Variants in FEM1C observed in about 807,000 individuals in gnomAD.
The protein encoded by FEM1C is fem-1 homolog C, also known as protein fem-1 homolog C.
A neutral mutation model predicts 37.6 loss-of-function variants in FEM1C; 15 were observed. That is an observed-to-expected ratio of 0.40 (90% CI 0.27 to 0.61). FEM1C has a LOEUF of 0.61. Among genes scored for constraint, FEM1C ranks in the 20% least tolerant of loss-of-function variants. The pLI is 0.42. For missense variants in FEM1C, 532 were observed against 749.7 expected, an observed-to-expected ratio of 0.71 and a Z score of 3.39; for synonymous variants, 287 against 272.8, an observed-to-expected ratio of 1.05 and a Z score of -0.51.
At chr5:115,530,607 T>G (rs1753995503) in intron 2 of FEM1C, among the ~76,000 whole-genome samples, 1 of 152,152 alleles carries the variant, frequency 6.6e-6, no homozygotes, top group African/African-American at 2.4e-5. Flanking sequence ...ATCCAAATAC[T>G]GACCATATTC....
chr5:115,523,631 T>G lies in FEM1C; in HGVS notation c.*677A>C, dbSNP rs551016197. 1 of 152,644 alleles carries G rather than the reference T, an allele frequency of 6.6e-6. No homozygotes were observed. Among genetic ancestry groups the G allele is most frequent in the African/African-American group, 2.4e-5 (1 of 41,574 alleles). 9.5% of individuals were successfully genotyped at this position (152,644 alleles called of 1,614,324 possible). A position where few individuals can be genotyped will look rare whatever the true frequency, so the allele number is the denominator to read the frequency against. On this transcript the variant is annotated 3_prime_UTR_variant, in exon 3 of 3. Transcript: ENST00000274457. ...AAAGCTTGAGCTATAATAGCTAACC[T>G]GCAGCTCTAAAAATTGTCATGCTAC...
rs1361877454 is a variant in FEM1C at position 115,536,084 on chromosome 5, G to C, written c.544+6866C>G. ...AGTTTCAGGGGAATGAGGAGGGATAGGAGGGAGTGACTCTTAATGGATATG... is the reference window on the plus strand; with the variant it reads ...AGTTTCAGGGGAATGAGGAGGGATACGAGGGAGTGACTCTTAATGGATATG... On this transcript the variant is annotated intron_variant, in intron 2 of 2. Transcript: ENST00000274457. Among the ~76,000 whole-genome samples the C allele has an allele frequency of 3.3e-5, 5 of 151,928 alleles. No individual in the cohort carries two copies. In the East Asian group the frequency reaches 9.6e-4, roughly 29 times the overall value.
At chr5:115,539,045 C>G (rs1218010760) in intron 2 of FEM1C, among the ~76,000 whole-genome samples, 2 of 151,986 alleles carry the variant, frequency 1.3e-5, no homozygotes, top group African/African-American at 2.4e-5. Flanking sequence ...CACCTCGTAT[C>G]TTCTCATAAC....
At chr5:115,541,213 A>C (rs552620164) in intron 2 of FEM1C, among the ~76,000 whole-genome samples, 1 of 152,132 alleles carries the variant, frequency 6.6e-6, no homozygotes, top group Non-Finnish European at 1.5e-5. Context: ...TATTAAGCTA[A>C]AAAACAGGTT....
rs1357503006 is a variant in FEM1C, at chr5:115,522,888, T to C, written c.*1420A>G. ...AATCTTTTTTAGTACTTTTCACTTA[T>C]CTTAAGTTAAAAGAGCCCTTTCTGT... On this transcript the variant is annotated 3_prime_UTR_variant, in exon 3 of 3. Transcript: ENST00000274457. The C allele has an allele frequency of 6.6e-6, 1 of 152,298 alleles. No homozygotes were observed. The highest frequency in any genetic ancestry group is 1.9e-4 in the East Asian group (1 of 5,192). 9.4% of individuals were successfully genotyped at this position (152,298 alleles called of 1,614,324 possible). A position where few individuals can be genotyped will look rare whatever the true frequency, so the allele number is the denominator to read the frequency against.
In FEM1C at chr5:115,543,403, C is replaced by T. The variant is rs751294019; in HGVS notation, c.91G>A (p.Val31Ile). The T allele has an allele frequency of 3.1e-6, 5 of 1,614,050 alleles. No homozygotes were observed. Among genetic ancestry groups the T allele is most frequent in the Non-Finnish European group, 4.2e-6 (5 of 1,180,028 alleles). ...GTTTTTTCAGAGATCAAGGAGGAAA[C>T]CTCCTCTTTGGATTTGCTTGCCAAC... ...KLLASKSKEEVSSLISEKTNG... is the reference protein window; with the variant it reads ...KLLASKSKEEISSLISEKTNG... The change falls in exon 2 of 3, where the codon GTT (valine) becomes ATT (isoleucine). Residue 31 changes from valine (V) to isoleucine (I), a missense_variant. Val to Ile is a conservative substitution (Grantham distance 29). Coordinates refer to ENST00000274457, the MANE Select transcript of FEM1C (RefSeq NM_020177.3).
chr5:115,543,684 C>A lies in FEM1C; in HGVS notation c.-190-1G>T. The A allele has an allele frequency of 7.4e-7, 1 of 1,349,638 alleles. No homozygotes were observed. Among genetic ancestry groups the A allele is most frequent in the South Asian group, 2.0e-5 (1 of 49,502 alleles). 83.6% of individuals were successfully genotyped at this position (1,349,638 alleles called of 1,614,324 possible). ...AACATCTGACAACCAGGGCACCAAA[C>A]TAGAGAAAGAAAAAAAAAGTAGCAG... On this transcript the variant is annotated splice_acceptor_variant, in intron 1 of 2. Transcript: ENST00000274457. LOFTEE classifies it low-confidence loss of function (5UTR_SPLICE).
At chr5:115,543,884 CGCAG>C in intron 1 of FEM1C, 1 of 984,722 alleles carries the variant, frequency 1.0e-6, no homozygotes, top group Non-Finnish European at 1.2e-6. Flanking sequence ...ATGTTCTGGT[CGCAG>C]GCAGTCTCCT....
At position 115,524,936 on chromosome 5, in the gene FEM1C, T is replaced by C; in HGVS notation, c.1226A>G (p.Asp409Gly). ...KGLLGTTVTFDDLMGILCKSV... is the reference protein window; with the variant it reads ...KGLLGTTVTFGDLMGILCKSV... Reference sequence around the variant, plus strand: ...TTTGCAAAGTATGCCCATAAGATCATCAAATGTAACAGTAGTACCCAGCAG... The same window carrying C: ...TTTGCAAAGTATGCCCATAAGATCACCAAATGTAACAGTAGTACCCAGCAG... Residue 409 changes from aspartate (D) to glycine (G), a missense_variant, in exon 3 of 3, where the codon GAT (aspartate) becomes GGT (glycine). Physicochemically the swap from Asp to Gly is moderately conservative, Grantham distance 94. Around this residue, in one of 3 missense-constraint regions of FEM1C, gnomAD observed 237 missense variants for 260.5 expected, o/e 0.91. Transcript: ENST00000274457. The C allele has an allele frequency of 6.2e-7, 1 of 1,613,786 alleles. No individual in the cohort carries two copies. The highest frequency in any genetic ancestry group is 8.5e-7 in the Non-Finnish European group (1 of 1,179,850).
At chr5:115,538,111 T>G (rs1580384335) in intron 2 of FEM1C, among the ~76,000 whole-genome samples, 1 of 152,052 alleles carries the variant, frequency 6.6e-6, no homozygotes, top group African/African-American at 2.4e-5. Flanking sequence ...GTAGAAACTT[T>G]TTTTTAAACT....
Position 115,524,663 on chromosome 5 carries a change from T to C in FEM1C, c.1499A>G (p.Tyr500Cys), listed in dbSNP as rs1381876796. Residue 500 changes from tyrosine to cysteine, a missense_variant, in exon 3 of 3, where the codon TAC becomes TGC. By Grantham distance (194) the Tyr-to-Cys change is radical. Around this residue, in one of 3 missense-constraint regions of FEM1C, gnomAD observed 237 missense variants for 260.5 expected, o/e 0.91. Coordinates refer to ENST00000274457, the MANE Select transcript of FEM1C (RefSeq NM_020177.3). ...TAGAGATGGAAATTTACAAACAGGG[T>C]ACCGCCCTACACATGTAGTATTCTT... Reference protein sequence around the residue: ...VDKNTTCVGRYPVCKFPSLQV... With the variant: ...VDKNTTCVGRCPVCKFPSLQV... The C allele has an allele frequency of 4.5e-6, 7 of 1,565,734 alleles. No homozygotes were observed. Among genetic ancestry groups the C allele is most frequent in the African/African-American group, 1.4e-5 (1 of 73,190 alleles).
chr5:115,525,675 AAT>A (rs1273202939), intron 2 of FEM1C, 58 bp from the exon 3 acceptor site: 2 of 1,299,024 alleles, frequency 1.5e-6, no homozygotes, highest in Non-Finnish European at 2.1e-6. Flanking sequence ...AATATAATGT[AAT>A]ATATATATGC....
In FEM1C at chr5:115,525,248, G is replaced by A; in HGVS notation, c.914C>T (p.Ala305Val). 1 of 1,613,554 alleles carries A rather than the reference G, an allele frequency of 6.2e-7. No homozygotes were observed. The highest frequency in any genetic ancestry group is 1.3e-5 in the African/African-American group (1 of 74,968). The change falls in exon 3 of 3, where the codon GCA (alanine) becomes GTA (valine). Residue 305 changes from alanine (A) to valine (V), a missense_variant. Around this residue, in one of 3 missense-constraint regions of FEM1C, gnomAD observed 221 missense variants for 404.1 expected, o/e 0.55. Coordinates refer to ENST00000274457, the MANE Select transcript of FEM1C (RefSeq NM_020177.3). ...AGCAATAAGACCTTCTAGCTCTTCT[G>A]CACTGTTCACTTCCTTGGCATAATC... is the stretch of plus-strand genomic sequence containing the variant. ...AYDYAKEVNS[A>V]EELEGLIADP...
chr5:115,543,184 T>C lies in FEM1C; in HGVS notation c.310A>G (p.Asn104Asp). The change falls in exon 2 of 3, where the codon AAT becomes GAT. Residue 104 changes from asparagine (N) to aspartate (D), a missense_variant. Physicochemically the swap from Asn to Asp is conservative, Grantham distance 23. Transcript: ENST00000274457. ...GTGTTGTTGACAGATGCTCCATGATTTAACAAGGACTGGACCACCTTCAGA... is the reference window on the plus strand; with the variant it reads ...GTGTTGTTGACAGATGCTCCATGATCTAACAAGGACTGGACCACCTTCAGA... ...GHLKVVQSLLNHGASVNNTTL... is the reference protein window; with the variant it reads ...GHLKVVQSLLDHGASVNNTTL... 2 of 1,614,220 alleles carry C rather than the reference T, an allele frequency of 1.2e-6. No homozygotes were observed. Among genetic ancestry groups the C allele is most frequent in the Non-Finnish European group, 1.7e-6 (2 of 1,180,044 alleles).
chr5:115,526,563 C>A (rs1455426713), intron 2 of FEM1C, among the ~76,000 whole-genome samples: 1 of 152,078 alleles, frequency 6.6e-6, no homozygotes, highest in African/African-American at 2.4e-5. Context: ...TCGGAAACAC[C>A]AGGTATTTTA....
At chr5:115,528,001 G>GAAA (rs58897289) in intron 2 of FEM1C, among the ~76,000 whole-genome samples, 4 of 87,044 alleles carry the variant, frequency 4.6e-5, no homozygotes, top group East Asian at 6.5e-4. Flanking sequence ...CTTCGTCTCA[G>GAAA]AAAAAAAAAA....
At position 115,543,498 on chromosome 5, in the gene FEM1C, G is replaced by A. The variant is rs1580387369; in HGVS notation, c.-5C>T. On this transcript the variant is annotated 5_prime_UTR_variant, in exon 2 of 3. Transcript: ENST00000274457. Reference sequence around the variant, plus strand: ...TACTGCTGTCTTTAGATCCATTTATGTCCAGTTGAGAGGCTGTGCTTTATT... The same window carrying A: ...TACTGCTGTCTTTAGATCCATTTATATCCAGTTGAGAGGCTGTGCTTTATT... 3 of 1,597,638 alleles carry A rather than the reference G, an allele frequency of 1.9e-6. No homozygotes were observed. The East Asian group carries it at 6.7e-5, about 36-fold the overall frequency.
rs1754287682 is a variant in FEM1C, at chr5:115,543,557, T to G, written c.-64A>C. On this transcript the variant is annotated 5_prime_UTR_variant, in exon 2 of 3. Transcript: ENST00000274457. ...AAAGCAGAGCTCCAGTTTAACTCTA[T>G]CGACACAGGCAAGAGTCACAGGAAC... The G allele has an allele frequency of 6.6e-7, 1 of 1,526,136 alleles. No individual in the cohort carries two copies. The allele number at this position is 1,526,136 out of a possible 1,614,324, so 94.5% of individuals were successfully genotyped here.
At chr5:115,540,954 C>T (rs953943471) in intron 2 of FEM1C, among the ~76,000 whole-genome samples, 5 of 151,992 alleles carry the variant, frequency 3.3e-5, no homozygotes, top group African/African-American at 1.2e-4. Flanking sequence ...AATTTGTTGT[C>T]TTAAAACAAG....
Sources: allele counts gnomAD v4.1 joint callset (sites outside exome capture counted in the v4.1 genomes callset), GRCh38; gene constraint gnomAD v4.1.1; regional missense constraint gnomAD v4.1.1; transcripts MANE v1.5; gene names NCBI Gene and HGNC (gene_info 2026-07-23, HGNC 2026-07-21).